CACNA1C: variants seen among roughly 807,000 people sequenced by gnomAD.
CACNA1C encodes the protein calcium voltage-gated channel subunit alpha1 C, also known as voltage-dependent L-type calcium channel subunit alpha-1C.
In CACNA1C, 30 loss-of-function variants were observed where a neutral mutation model predicts 229.0. The ratio of observed to expected loss-of-function variants is 0.13; its 90% confidence interval spans 0.10 to 0.18. The LOEUF is 0.18. CACNA1C is among the 10% of genes least tolerant of loss of function. CACNA1C has a pLI of 1.00. For synonymous variants in CACNA1C, 1,114 were observed against 1,132.5 expected (o/e 0.98, Z 0.33); for missense variants, 1,658 against 2,845.0 (o/e 0.58, Z 9.49).
At chr12:2,141,238 G>A (rs770905617) in intron 3 of CACNA1C, among the ~76,000 whole-genome samples, 1 of 151,292 alleles carries the variant, frequency 6.6e-6, no homozygotes, top group Non-Finnish European at 1.5e-5. Context: ...ACGTTGGCAG[G>A]TCTGTGTGCT....
intron 3 of CACNA1C, among the ~76,000 whole-genome samples, chr12:2,124,476 C>T (rs962265796): frequency 6.6e-6 from 1 of 152,150 alleles, no homozygotes; most frequent in Admixed American, 6.5e-5. Context: ...ATGAGAAGAG[C>T]CAGGTGATGG....
chr12:2,500,570 G>A (rs568479699), intron 7 of CACNA1C, among the ~76,000 whole-genome samples: 5 of 152,308 alleles, frequency 3.3e-5, no homozygotes, highest in African/African-American at 1.2e-4. Context: ...GCTTTGGGAG[G>A]GGAACTGTGG....
At chr12:2,172,254 C>T (rs530637527) in intron 3 of CACNA1C, among the ~76,000 whole-genome samples, 1 of 152,274 alleles carries the variant, frequency 6.6e-6, no homozygotes, top group African/African-American at 2.4e-5. Context: ...CTGGGAGAAC[C>T]AAAGGCCTGC....
chr12:2,004,152 G>C, intron 1 of CACNA1C: 2 of 1,328,646 alleles, frequency 1.5e-6, no homozygotes, highest in South Asian at 1.4e-5. Flanking sequence ...TTCGGCCTCA[G>C]TCCCCAGATC....
chr12:2,325,227 G>T (rs1592852279), intron 3 of CACNA1C, among the ~76,000 whole-genome samples: 1 of 152,142 alleles, frequency 6.6e-6, no homozygotes, highest in Non-Finnish European at 1.5e-5. Context: ...GGCAACCTCT[G>T]CCCACCATCC....
chr12:2,218,574 GC>G (rs1267464462), intron 3 of CACNA1C, among the ~76,000 whole-genome samples: 1 of 152,200 alleles, frequency 6.6e-6, no homozygotes, highest in Non-Finnish European at 1.5e-5. Flanking sequence ...CTAGAGCTCA[GC>G]GCATCTTTCA....
At chr12:2,105,405 G>A (rs928736164) in intron 1 of CACNA1C, among the ~76,000 whole-genome samples, 4 of 152,192 alleles carry the variant, frequency 2.6e-5, no homozygotes, top group African/African-American at 9.7e-5. Context: ...GTGGTCATGG[G>A]GCCTGTTCTG....
intron 1 of CACNA1C, among the ~76,000 whole-genome samples, chr12:1,999,596 C>T (rs1000377064): frequency 2.6e-5 from 4 of 152,068 alleles, no homozygotes; most frequent in African/African-American, 9.7e-5. Context: ...TGTGGTGGCA[C>T]ATGCCGGTAG....
At chr12:2,457,470 G>A (rs1008985906) in intron 4 of CACNA1C, 97 bp from the exon 5 acceptor site, 58 of 1,352,644 alleles carry the variant, frequency 4.3e-5, no homozygotes, top group African/African-American at 1.9e-4. Context: ...AGACGCCTGC[G>A]CAATCTGCTT....
chr12:2,136,683 C>T (rs1040074460), intron 3 of CACNA1C, among the ~76,000 whole-genome samples: 4 of 150,976 alleles, frequency 2.6e-5, no homozygotes, highest in Non-Finnish European at 4.4e-5. Context: ...CATGGAGCCC[C>T]CAGGCCATGC....
chr12:2,004,106 C>T, intron 1 of CACNA1C: 1 of 870,176 alleles, frequency 1.1e-6, no homozygotes, highest in Non-Finnish European at 1.7e-6. Context: ...GATCCGCCTT[C>T]CTTCCCCCAA....
At chr12:2,006,247 A>G (rs2043423647) in intron 1 of CACNA1C, among the ~76,000 whole-genome samples, 1 of 152,114 alleles carries the variant, frequency 6.6e-6, no homozygotes, top group African/African-American at 2.4e-5. Context: ...GTCTCTACTA[A>G]AAATACAAAA....
At position 2,457,717 on chromosome 12, in the gene CACNA1C, C is replaced by A. The variant is rs762620118; in HGVS notation, c.757+11C>A. 6.4e-7 allele frequency: 1 copy of A among 1,573,458 alleles called. No individual in the cohort carries two copies. Among genetic ancestry groups the A allele is most frequent in the Non-Finnish European group, 8.6e-7 (1 of 1,161,064 alleles). The stretch of plus-strand genomic sequence containing the variant: ...TGTCCGGAGTCCCAAGTAAGTGAAG[C>A]CCGTTCTTGTGTACAGTGTTATCTC... On this transcript the variant is annotated intron_variant, in intron 5 of 46. Transcript: ENST00000399655.
At position 2,637,660 on chromosome 12, in the gene CACNA1C, G is replaced by C. The variant is rs143250229; in HGVS notation, c.3912+3280G>C. 3.0e-3 allele frequency among the ~76,000 whole-genome samples: 457 copies of C among 152,364 alleles called. 2 individuals carry two copies. The highest frequency in any genetic ancestry group is 8.7e-3 in the African/African-American group (363 of 41,586). On this transcript the variant is annotated intron_variant, in intron 30 of 46. Transcript: ENST00000399655. ...ATTCTGCCTCCAGGGCATTAGCAGC[G>C]TATGGGCGGCCCCAGCATTTTCTTC...
intron 3 of CACNA1C, among the ~76,000 whole-genome samples, chr12:2,436,983 T>C (rs1409826025): frequency 1.3e-5 from 2 of 152,226 alleles, no homozygotes; most frequent in South Asian, 2.1e-4. Context: ...ACTTCACATA[T>C]AGACATGGAT....
At chr12:2,189,554 G>A (rs2097149466) in intron 3 of CACNA1C, among the ~76,000 whole-genome samples, 1 of 152,164 alleles carries the variant, frequency 6.6e-6, no homozygotes, top group African/African-American at 2.4e-5. Flanking sequence ...GCTGCTGCGC[G>A]AGATGAGGGG....
chr12:2,574,887 G>A (rs1213162975), intron 13 of CACNA1C, among the ~76,000 whole-genome samples: 1 of 152,244 alleles, frequency 6.6e-6, no homozygotes, highest in African/African-American at 2.4e-5. Flanking sequence ...CACAATGGGT[G>A]GTTCTCCTTT....
intron 1 of CACNA1C, among the ~76,000 whole-genome samples, chr12:2,026,200 G>A (rs1472404766): frequency 1.3e-5 from 2 of 152,216 alleles, no homozygotes; most frequent in Non-Finnish European, 2.9e-5. Context: ...TGGGAGAAAA[G>A]GATACAAAAG....
chr12:2,118,722 A>G (rs1276824471), intron 2 of CACNA1C, among the ~76,000 whole-genome samples: 1 of 152,168 alleles, frequency 6.6e-6, no homozygotes, highest in African/African-American at 2.4e-5. Context: ...TCTGTCTCCC[A>G]TCATCACTAC....
Sources: gnomAD v4.1 joint callset for allele counts (sites outside exome capture counted in the v4.1 genomes callset) on GRCh38, gnomAD v4.1.1 for gene constraint, MANE v1.5 for transcripts, NCBI Gene and HGNC (gene_info 2026-07-23, HGNC 2026-07-21) for gene names.